Variants in FANCD2 observed in about 807,000 individuals in gnomAD.
FANCD2 encodes Fanconi anemia group D2 protein.
In FANCD2, 131 loss-of-function variants were observed where a neutral mutation model predicts 192.3. The observed-to-expected ratio is 0.68, with a 90% CI of 0.59 to 0.79. FANCD2 has a LOEUF of 0.79. Ranked by LOEUF, FANCD2 falls within the 30% of genes least tolerant of loss-of-function variation. The probability of loss-of-function intolerance (pLI) is 0.00; values close to 1 mark genes in which losing one functional copy is unlikely to be tolerated. For missense variants in FANCD2, 1,508 were observed against 1,701.6 expected (o/e 0.89, Z 2.00); for synonymous variants, 524 against 612.5 (o/e 0.86, Z 2.13).
At position 10,078,152 on chromosome 3, in the gene FANCD2, G is replaced by A. The variant is rs1362209484; in HGVS notation, c.2931G>A (p.Glu977=). ...TGGAAGATCTCTCCCAGAAGCTGGA[G>A]AGTATGCTGACACCTCCTATTGCCA... ...FLLEDLSQKL[E]SMLTPPIARR... is the part of the protein sequence containing the mutation. The change falls in exon 30 of 44, where the codon GAG becomes GAA. Residue 977 remains glutamate, a synonymous_variant. Coordinates refer to ENST00000675286, the MANE Select transcript of FANCD2 (RefSeq NM_001018115.3). 3.7e-6 allele frequency: 6 copies of A among 1,613,772 alleles called. No homozygotes were observed. In the Admixed American group the frequency reaches 1.0e-4, roughly 27 times the overall value.
intron 12 of FANCD2, 88 bp downstream of exon 12, chr3:10,043,238 ACT>A: frequency 1.0e-6 from 1 of 953,314 alleles, no homozygotes; most frequent in Non-Finnish European, 1.7e-6. Context: ...AAATAATGAT[ACT>A]ATTATGACAT....
At chr3:10,081,814 A>G (rs544291582) in intron 32 of FANCD2, among the ~76,000 whole-genome samples, 3 of 152,214 alleles carry the variant, frequency 2.0e-5, no homozygotes, top group East Asian at 3.9e-4. Context: ...TGATACCTTC[A>G]TGGAAACAGT....
intron 18 of FANCD2, among the ~76,000 whole-genome samples, chr3:10,055,642 C>A (rs1162765998): frequency 6.6e-6 from 1 of 151,896 alleles, no homozygotes; most frequent in African/African-American, 2.4e-5. Context: ...GAAACCCCGT[C>A]TTTACTAAAA....
intron 19 of FANCD2, 116 bp downstream of exon 19, chr3:10,060,519 G>T: frequency 1.3e-6 from 1 of 791,786 alleles, no homozygotes; most frequent in Non-Finnish European, 2.2e-6. Context: ...ATGAGCAAAT[G>T]TGTTTTGCTA....
intron 34 of FANCD2, among the ~76,000 whole-genome samples, chr3:10,088,044 A>G (rs35204141): frequency 6.6e-6 from 1 of 152,148 alleles, no homozygotes; most frequent in African/African-American, 2.4e-5. Context: ...TGCAAAACAA[A>G]CCTTTATTTA....
intron 1 of FANCD2, among the ~76,000 whole-genome samples, chr3:10,028,315 T>G (rs1238378597): frequency 6.6e-6 from 1 of 152,162 alleles, no homozygotes; most frequent in Non-Finnish European, 1.5e-5. Flanking sequence ...AGTATTGAAA[T>G]CATGAATTAA....
intron 36 of FANCD2, among the ~76,000 whole-genome samples, chr3:10,089,857 C>G (rs370546202): frequency 6.6e-6 from 1 of 152,200 alleles, no homozygotes; most frequent in Non-Finnish European, 1.5e-5. Context: ...GTTATCTTAA[C>G]ATTTGTAGTC....
At chr3:10,086,773 C>T (rs979312972) in intron 33 of FANCD2, among the ~76,000 whole-genome samples, 13 of 152,174 alleles carry the variant, frequency 8.5e-5, no homozygotes, top group Admixed American at 1.3e-4. Flanking sequence ...TCACCATGCC[C>T]GGCCTGTGAA....
rs2086821343 is a variant in FANCD2, at chr3:10,039,878, G to A, written c.695+33G>A. On this transcript the variant is annotated intron_variant, in intron 9 of 43. Coordinates refer to ENST00000675286, the MANE Select transcript of FANCD2 (RefSeq NM_001018115.3). Reference sequence around the variant, plus strand: ...AACCCTCTGTCATCATCTAAGTGAGGCTCAGCTATGGGGGTTCTATCACTG... The same window carrying A: ...AACCCTCTGTCATCATCTAAGTGAGACTCAGCTATGGGGGTTCTATCACTG... 1.9e-6 allele frequency: 3 copies of A among 1,613,456 alleles called. No individual in the cohort carries two copies. In the Admixed American group the frequency reaches 5.0e-5, roughly 27 times the overall value.
intron 18 of FANCD2, among the ~76,000 whole-genome samples, chr3:10,057,450 C>T (rs36025301): frequency 2.0e-3 from 300 of 151,876 alleles, no homozygotes; most frequent in Non-Finnish European, 3.0e-3. Flanking sequence ...CTCCAACCTC[C>T]GCCTCCCAGG....
rs2125048080 is a variant in FANCD2, at chr3:10,072,969, A to C, written c.2593A>C (p.Lys865Gln). The change falls in exon 27 of 44, where the codon AAA (lysine) becomes CAA (glutamine). Residue 865 changes from lysine to glutamine, a missense_variant. Transcript: ENST00000675286. ...VTAISAKIRK[K>Q]GKIERKQKTD... ...TGCTATTTCAGCAAAAATCAGAAAG[A>C]AAGGAAAAATAGGTAAGTATGTTCT... The C allele has an allele frequency of 2.5e-6, 4 of 1,572,678 alleles. No homozygotes were observed. The highest frequency in any genetic ancestry group is 3.5e-6 in the Non-Finnish European group (4 of 1,142,242).
intron 26 of FANCD2, among the ~76,000 whole-genome samples, chr3:10,072,197 C>T (rs1473789901): frequency 2.6e-5 from 4 of 151,972 alleles, no homozygotes; most frequent in Non-Finnish European, 5.9e-5. Flanking sequence ...ATGGATACCC[C>T]ATTTACCCTC....
chr3:10,053,560 T>TA (rs931202204), intron 18 of FANCD2, among the ~76,000 whole-genome samples: 1 of 151,228 alleles, frequency 6.6e-6, no homozygotes. Context: ...AGAATAAAAT[T>TA]AAAAAAAATT....
At chr3:10,054,325 T>C (rs2125014969) in intron 18 of FANCD2, among the ~76,000 whole-genome samples, 1 of 143,302 alleles carries the variant, frequency 7.0e-6, no homozygotes, top group South Asian at 2.2e-4. Context: ...ACTGTGACTT[T>C]GAACAACCAG....
chr3:10,028,461 A>G (rs1364672940), intron 1 of FANCD2, among the ~76,000 whole-genome samples, 164 bp from the exon 2 acceptor site: 1 of 152,228 alleles, frequency 6.6e-6, no homozygotes, highest in Non-Finnish European at 1.5e-5. Flanking sequence ...AGTATTGGCT[A>G]GATGTAAGAG....
intron 1 of FANCD2, among the ~76,000 whole-genome samples, chr3:10,027,791 G>C (rs969939959): frequency 4.0e-5 from 6 of 151,160 alleles, no homozygotes; most frequent in Non-Finnish European, 8.8e-5. Flanking sequence ...TGTAGTCCCA[G>C]CTACTTGGGA....
intron 12 of FANCD2, 51 bp downstream of exon 12, chr3:10,043,201 G>T: frequency 7.4e-7 from 1 of 1,346,148 alleles, no homozygotes; most frequent in South Asian, 1.2e-5. Flanking sequence ...ACATCCCACT[G>T]TCAGAGTTAG....
At chr3:10,035,290 C>G in intron 6 of FANCD2, 57 bp downstream of exon 6, 1 of 1,459,780 alleles carries the variant, frequency 6.9e-7, no homozygotes, top group South Asian at 1.1e-5. Context: ...GGTGTATGCT[C>G]AAGTCTAAAT....
intron 30 of FANCD2, among the ~76,000 whole-genome samples, chr3:10,080,289 A>G (rs1693764352): frequency 6.6e-6 from 1 of 152,078 alleles, no homozygotes; most frequent in South Asian, 2.1e-4. Context: ...GCTGGAGTGT[A>G]GTGGCACAAT....
Sources: gnomAD v4.1 joint callset for allele counts (sites outside exome capture counted in the v4.1 genomes callset) on GRCh38, gnomAD v4.1.1 for gene constraint, MANE v1.5 for transcripts, NCBI Gene and HGNC (gene_info 2026-07-23, HGNC 2026-07-21) for gene names.